The following AGBL1 variants were observed in gnomAD, a reference collection of about 807,000 sequenced individuals.
AGBL1 encodes cytosolic carboxypeptidase 4.
Under a neutral mutation model 118.9 loss-of-function variants are expected in AGBL1, and 130 were observed. The observed-to-expected ratio is 1.09, with a 90% CI of 0.95 to 1.26. The LOEUF is 1.26. AGBL1 is among the 50% of genes most tolerant of loss of function. The pLI is 0.00. For missense variants in AGBL1, 1,584 were observed against 1,298.1 expected (o/e 1.22, Z -3.38); for synonymous variants, 555 against 478.9 (o/e 1.16, Z -2.08).
At chr15:86,935,069 T>G (rs1365419421) in intron 23 of AGBL1, 1 of 152,168 alleles carries the variant, frequency 6.6e-6, no homozygotes, top group East Asian at 1.9e-4. Context: ...TTGTCCTATT[T>G]TGTAATCCTC....
At chr15:86,416,557 G>C (rs1269265425) in intron 18 of AGBL1, among the ~76,000 whole-genome samples, 1 of 151,500 alleles carries the variant, frequency 6.6e-6, no homozygotes, top group East Asian at 1.9e-4. Context: ...ATCTCAGGTG[G>C]GGAACACTTT....
chr15:86,401,505 T>A (rs2081445318), intron 18 of AGBL1, among the ~76,000 whole-genome samples: 1 of 152,172 alleles, frequency 6.6e-6, no homozygotes, highest in Non-Finnish European at 1.5e-5. Context: ...TTTGGATTCT[T>A]AGTCCTGAAT....
chr15:86,554,295 AT>A lies in AGBL1; in HGVS notation c.2818-61del. 5.9e-6 allele frequency: 8 copies of A among 1,349,028 alleles called. No homozygotes were observed. In the South Asian group the frequency reaches 1.0e-4, roughly 17 times the overall value. 83.6% of individuals were successfully genotyped at this position (1,349,028 alleles called of 1,614,324 possible). A position where few individuals can be genotyped will look rare whatever the true frequency, so the allele number is the denominator to read the frequency against. On this transcript the variant is annotated intron_variant, in intron 20 of 22. Coordinates refer to ENST00000614907, the MANE Select transcript of AGBL1 (RefSeq NM_001386094.1). The stretch of plus-strand genomic sequence containing the variant: ...AGATGCTTAACAATGTTGAGAAGCT[AT>A]TTTTATGATGACTATCCCTAGTCAC...
chr15:86,872,513 T>A (rs140932298), intron 22 of AGBL1, among the ~76,000 whole-genome samples: 2 of 152,272 alleles, frequency 1.3e-5, no homozygotes, highest in African/African-American at 4.8e-5. Flanking sequence ...CCCAGCACTT[T>A]GGGAGGCTGA....
At chr15:86,520,687 C>T (rs2083177835) in intron 18 of AGBL1, among the ~76,000 whole-genome samples, 1 of 152,038 alleles carries the variant, frequency 6.6e-6, no homozygotes, top group Non-Finnish European at 1.5e-5. Context: ...TTTAAAGGGC[C>T]TCAACTAATT....
intron 1 of AGBL1, among the ~76,000 whole-genome samples, chr15:86,136,197 T>C (rs7161752): frequency 0.61 from 92,122 of 152,118 alleles, 29,761 homozygotes; most frequent in African/African-American, 0.85. Context: ...ACAAAATCCA[T>C]AGCTAGAATT....
intron 6 of AGBL1, among the ~76,000 whole-genome samples, chr15:86,233,870 T>A (rs368336666): frequency 6.6e-6 from 1 of 152,126 alleles, no homozygotes; most frequent in South Asian, 2.1e-4. Flanking sequence ...AGTTGGGATT[T>A]TACTGGCAGG....
chr15:86,181,959 A>G (rs1468228401), intron 5 of AGBL1, among the ~76,000 whole-genome samples: 2 of 152,114 alleles, frequency 1.3e-5, no homozygotes, highest in Non-Finnish European at 2.9e-5. Flanking sequence ...TAGATCATGC[A>G]TTCATTCATT....
chr15:86,149,514 A>G (rs754154997), intron 3 of AGBL1, among the ~76,000 whole-genome samples: 15 of 152,222 alleles, frequency 9.9e-5, no homozygotes, highest in Non-Finnish European at 1.9e-4. Context: ...ACCAACAAAG[A>G]TGAAAAGAGA....
chr15:86,253,714 T>A (rs981158718), intron 7 of AGBL1, among the ~76,000 whole-genome samples: 1 of 152,228 alleles, frequency 6.6e-6, no homozygotes, highest in African/African-American at 2.4e-5. Context: ...GTTTCATTTT[T>A]TTATTTTTGA....
At chr15:86,646,419 A>T (rs1005365667) in intron 21 of AGBL1, among the ~76,000 whole-genome samples, 2 of 152,140 alleles carry the variant, frequency 1.3e-5, no homozygotes, top group African/African-American at 4.8e-5. Context: ...AGTCTCATTT[A>T]TCCTCTTCTC....
chr15:86,607,890 G>A (rs1469470665), intron 21 of AGBL1, among the ~76,000 whole-genome samples: 1 of 152,090 alleles, frequency 6.6e-6, no homozygotes, highest in Non-Finnish European at 1.5e-5. Context: ...GAAAGTCTAG[G>A]CAGGCAGTGC....
At chr15:86,608,669 G>A (rs549761225) in intron 21 of AGBL1, among the ~76,000 whole-genome samples, 8 of 152,190 alleles carry the variant, frequency 5.3e-5, no homozygotes, top group East Asian at 3.9e-4. Flanking sequence ...GCAGGATGAC[G>A]GCAGCATACC....
chr15:86,361,657 T>C (rs1310535606), intron 17 of AGBL1, among the ~76,000 whole-genome samples: 1 of 152,128 alleles, frequency 6.6e-6, no homozygotes, highest in Non-Finnish European at 1.5e-5. Context: ...ATTTTAATTG[T>C]TTTATCTTTC....
intron 21 of AGBL1, among the ~76,000 whole-genome samples, chr15:86,671,717 C>T (rs2085749131): frequency 6.6e-6 from 1 of 152,140 alleles, no homozygotes; most frequent in Non-Finnish European, 1.5e-5. Context: ...TTTAAAGGCA[C>T]TCACATACCC....
intron 22 of AGBL1, among the ~76,000 whole-genome samples, chr15:86,841,799 A>G (rs537391048): frequency 2.0e-4 from 30 of 152,326 alleles, no homozygotes; most frequent in Admixed American, 1.3e-4. Flanking sequence ...GTGAGCCAAG[A>G]TGGCACCATT....
chr15:86,603,869 A>C (rs2469174), intron 21 of AGBL1, among the ~76,000 whole-genome samples: 74,981 of 151,870 alleles, frequency 0.49, 18,680 homozygotes, highest in East Asian at 0.74. Context: ...TTTTTCTACT[A>C]TAGCCCCTGA....
chr15:86,977,415 C>T (rs2081186637), intron 23 of AGBL1, among the ~76,000 whole-genome samples: 1 of 149,496 alleles, frequency 6.7e-6, no homozygotes, highest in South Asian at 2.1e-4. Flanking sequence ...TATTGTGATA[C>T]ATTTATTTTT....
At chr15:86,505,673 T>C (rs945957131) in intron 18 of AGBL1, among the ~76,000 whole-genome samples, 2 of 152,026 alleles carry the variant, frequency 1.3e-5, no homozygotes, top group Non-Finnish European at 2.9e-5. Context: ...TCTCATACTT[T>C]CTTTTAGTTC....
Sources: gnomAD v4.1 joint callset for allele counts (sites outside exome capture counted in the v4.1 genomes callset) on GRCh38, gnomAD v4.1.1 for gene constraint, MANE v1.5 for transcripts, NCBI Gene and HGNC (gene_info 2026-07-23, HGNC 2026-07-21) for gene names.